Variants in SLC35F5 observed in about 807,000 individuals in gnomAD.
SLC35F5 encodes solute carrier family 35 member F5.
In SLC35F5, 54 loss-of-function variants were observed where a neutral mutation model predicts 68.6. The ratio of observed to expected loss-of-function variants is 0.79; its 90% CI spans 0.63 to 0.99. The LOEUF (loss-of-function observed/expected upper bound fraction) is 0.99. Among genes scored for constraint, SLC35F5 ranks in the 50% least tolerant of loss-of-function variants. SLC35F5 has a pLI of 0.00. For missense variants in SLC35F5, 567 were observed against 626.9 expected, an observed-to-expected ratio of 0.90 and a Z score of 1.02; for synonymous variants, 211 against 205.2, an observed-to-expected ratio of 1.03 and a Z score of -0.24.
rs1676999828 is a variant in SLC35F5 at position 113,756,505 on chromosome 2, G to A, written c.-96C>T. 6.6e-7 allele frequency: 1 copy of A among 1,514,188 alleles called. No individual in the cohort carries two copies. Among genetic ancestry groups the A allele is most frequent in the Non-Finnish European group, 8.8e-7 (1 of 1,135,234 alleles). 93.8% of individuals were successfully genotyped at this position (1,514,188 alleles called of 1,614,324 possible). A position where few individuals can be genotyped will look rare whatever the true frequency, so the allele number is the denominator to read the frequency against. ...GCGCCTGACATCGCGCCGCACTGGA[G>A]GCCCAGCTCCTGAAGACGCGGTGCC... On this transcript the variant is annotated 5_prime_UTR_variant, in exon 1 of 16. Coordinates refer to ENST00000245680, the MANE Select transcript of SLC35F5 (RefSeq NM_025181.5).
Position 113,756,206 on chromosome 2 carries a change from G to A in SLC35F5, c.40+164C>T, listed in dbSNP as rs564707488. The A allele has an allele frequency of 2.7e-6, 4 of 1,498,782 alleles. No individual in the cohort carries two copies. In the Admixed American group the frequency reaches 6.4e-5, roughly 24 times the overall value. 92.8% of individuals were successfully genotyped at this position (1,498,782 alleles called of 1,614,324 possible). On this transcript the variant is annotated intron_variant, in intron 1 of 15. Coordinates refer to ENST00000245680, the MANE Select transcript of SLC35F5 (RefSeq NM_025181.5). The stretch of plus-strand genomic sequence containing the variant: ...CTCAATTGCCAGCGGTGGGCGCAGG[G>A]CTCCGGCGCCCCTGTCAGCTCCCGC...
At chr2:113,755,793 A>T in intron 1 of SLC35F5, 1 of 1,478,722 alleles carries the variant, frequency 6.8e-7, no homozygotes, top group Non-Finnish European at 9.2e-7. Flanking sequence ...CGGCACATTT[A>T]AGAACAGTTA....
Position 113,756,472 on chromosome 2 carries a change from C to A in SLC35F5, c.-63G>T. 1 of 1,530,732 alleles carries A rather than the reference C, an allele frequency of 6.5e-7. No homozygotes were observed. The highest frequency in any genetic ancestry group is 8.8e-7 in the Non-Finnish European group (1 of 1,142,032). The allele number at this position is 1,530,732 out of a possible 1,614,324, so 94.8% of individuals were successfully genotyped here. On this transcript the variant is annotated 5_prime_UTR_variant, in exon 1 of 16. Coordinates refer to ENST00000245680, the MANE Select transcript of SLC35F5 (RefSeq NM_025181.5). ...CGGCCGCGGCCTCGGACTCACAGAGCTGTCACCGCGCCTGACATCGCGCCG... is the reference window on the plus strand; with the variant it reads ...CGGCCGCGGCCTCGGACTCACAGAGATGTCACCGCGCCTGACATCGCGCCG...
At position 113,718,927 on chromosome 2, in the gene SLC35F5, A is replaced by AAGAAAG. The variant is rs1182098254; in HGVS notation, c.1496+226_1496+227insCTTTCT. Among the ~76,000 whole-genome samples the AAGAAAG allele has an allele frequency of 2.6e-3, 114 of 44,510 alleles. 1 individual carries two copies. The highest frequency in any genetic ancestry group is 3.4e-3 in the African/African-American group (53 of 15,524). 29.2% of individuals were successfully genotyped at this position (44,510 alleles called of 152,430 possible). ...AAAGAAAGAAAGAAAGAAAGAAAGA[A>AAGAAAG]AAAGAAAGGAAGAAAGGAAGGAAGG... On this transcript the variant is annotated intron_variant, in intron 14 of 15. Coordinates refer to ENST00000245680, the MANE Select transcript of SLC35F5 (RefSeq NM_025181.5).
At chr2:113,742,920 C>A in intron 6 of SLC35F5, 41 bp from the exon 7 acceptor site, 1 of 1,560,058 alleles carries the variant, frequency 6.4e-7, no homozygotes, top group Non-Finnish European at 8.8e-7. Flanking sequence ...TAAATAATTC[C>A]TCTCCAACAA....
Position 113,742,526 on chromosome 2 carries a change from T to C in SLC35F5, c.750+166A>G, listed in dbSNP as rs894432419. The C allele has an allele frequency of 1.6e-4, 102 of 644,992 alleles. 1 individual carries two copies. The Admixed American group carries it at 2.3e-3, about 15-fold the overall frequency. 40.0% of individuals were successfully genotyped at this position (644,992 alleles called of 1,614,324 possible). A position where few individuals can be genotyped will look rare whatever the true frequency, so the allele number is the denominator to read the frequency against. ...AACTCTTTGAGGTATATCAAGCATT[T>C]ATTAATTTTGATACCCTAACTTCCT... On this transcript the variant is annotated intron_variant, in intron 7 of 15. Transcript: ENST00000245680.
rs1289680272 is a variant in SLC35F5 at position 113,755,075 on chromosome 2, G to A, written c.273+90C>T. 2.3e-6 allele frequency: 3 copies of A among 1,309,404 alleles called. No individual in the cohort carries two copies. In the African/African-American group the frequency reaches 4.5e-5, roughly 19 times the overall value. 81.1% of individuals were successfully genotyped at this position (1,309,404 alleles called of 1,614,324 possible). A position where few individuals can be genotyped will look rare whatever the true frequency, so the allele number is the denominator to read the frequency against. On this transcript the variant is annotated intron_variant, in intron 3 of 15. Transcript: ENST00000245680. ...GTATTTAAGATACTGCTTTTAGAAA[G>A]CAGGAGATTGTAACGGCTAGAGTTA...
intron 7 of SLC35F5, among the ~76,000 whole-genome samples, chr2:113,738,795 T>A (rs972535105): frequency 4.6e-5 from 7 of 152,146 alleles, no homozygotes; most frequent in African/African-American, 1.7e-4. Flanking sequence ...CAATTGAAAT[T>A]GGCTGGTCTG....
In SLC35F5 at chr2:113,706,884, T is replaced by G. The variant is rs1203689329; in HGVS notation, c.*8334A>C. 6.6e-6 allele frequency among the ~76,000 whole-genome samples: 1 copy of G among 152,180 alleles called. No homozygotes were observed. Among genetic ancestry groups the G allele is most frequent in the South Asian group, 2.1e-4 (1 of 4,826 alleles). Reference sequence around the variant, plus strand: ...GCATTAAAAATCACAAATCTTATATTTGGTTATCCACAGTCTATAAAATAA... The same window carrying G: ...GCATTAAAAATCACAAATCTTATATGTGGTTATCCACAGTCTATAAAATAA... On this transcript the variant is annotated 3_prime_UTR_variant, in exon 16 of 16. Coordinates refer to ENST00000245680, the MANE Select transcript of SLC35F5 (RefSeq NM_025181.5).
intron 3 of SLC35F5, among the ~76,000 whole-genome samples, chr2:113,752,912 TTAAAG>T (rs1243063909): frequency 2.0e-5 from 3 of 152,148 alleles, no homozygotes; most frequent in African/African-American, 4.8e-5. Context: ...CCTTTTCAGT[TTAAAG>T]TAAATAGGAA....
intron 3 of SLC35F5, among the ~76,000 whole-genome samples, chr2:113,754,305 GA>G (rs375660155): frequency 0.24 from 28,564 of 117,468 alleles, 3,289 homozygotes; most frequent in Middle Eastern, 0.52. Flanking sequence ...AAAAAAAAAA[GA>G]AAAAAAAAAA....
In SLC35F5 at chr2:113,755,498, A is replaced by C; in HGVS notation, c.87T>G (p.Phe29Leu). 1 of 1,614,148 alleles carries C rather than the reference A, an allele frequency of 6.2e-7. No individual in the cohort carries two copies. Among genetic ancestry groups the C allele is most frequent in the South Asian group, 1.1e-5 (1 of 91,062 alleles). ...SPPFRLRSAK[F>L]SGIALEDLRR... is the part of the protein sequence containing the mutation. ...TGAGATCCTCAAGAGCAATGCCGGA[A>C]AACTTGGCAGATCTCAGTCTAAAAG... Residue 29 changes from phenylalanine (F) to leucine (L), a missense_variant, in exon 2 of 16, where the codon TTT becomes TTG. Physicochemically the swap from Phe to Leu is conservative, Grantham distance 22 (BLOSUM62 0). Transcript: ENST00000245680.
At chr2:113,732,748 T>C (rs1178266399) in intron 9 of SLC35F5, among the ~76,000 whole-genome samples, 2 of 152,180 alleles carry the variant, frequency 1.3e-5, no homozygotes, top group African/African-American at 4.8e-5. Flanking sequence ...TCAGACATTG[T>C]TCCAAGCACT....
intron 4 of SLC35F5, among the ~76,000 whole-genome samples, chr2:113,749,806 C>T (rs72833665): frequency 0.018 from 2,684 of 152,096 alleles, 31 homozygotes; most frequent in Non-Finnish European, 0.029. Flanking sequence ...TATATATATT[C>T]TAACATAATA....
chr2:113,729,531 C>G (rs76898853), intron 10 of SLC35F5, 26 bp from the exon 11 acceptor site: 3 of 1,268,254 alleles, frequency 2.4e-6, no homozygotes, highest in Non-Finnish European at 3.4e-6. Flanking sequence ...TGATTTAAAG[C>G]AATCACTCAT....
intron 6 of SLC35F5, 54 bp from the exon 7 acceptor site, chr2:113,742,933 G>A: frequency 1.3e-6 from 2 of 1,523,980 alleles, no homozygotes; most frequent in Non-Finnish European, 9.0e-7. Flanking sequence ...TCCAACAAAA[G>A]TCACAAGTTT....
intron 6 of SLC35F5, among the ~76,000 whole-genome samples, chr2:113,743,444 G>A (rs575070509): frequency 2.6e-5 from 4 of 152,210 alleles, no homozygotes; most frequent in South Asian, 2.1e-4. Flanking sequence ...ATATATAAGC[G>A]TGTGATGCAT....
chr2:113,727,573 C>T (rs1031594310), intron 11 of SLC35F5, among the ~76,000 whole-genome samples: 2 of 152,188 alleles, frequency 1.3e-5, no homozygotes, highest in Non-Finnish European at 2.9e-5. Context: ...ATTCCCTCGA[C>T]TGCCCAGAAT....
chr2:113,719,258 T>C lies in SLC35F5; in HGVS notation c.1392A>G (p.Ser464=). The C allele has an allele frequency of 6.3e-7, 1 of 1,591,616 alleles. No homozygotes were observed. The highest frequency in any genetic ancestry group is 8.5e-7 in the Non-Finnish European group (1 of 1,175,196). ...GGCATAGGAGAGTTACAATAAAAAA[T>C]GAAAAAAATACAGGGATAGCTCCTG... is the stretch of plus-strand genomic sequence containing the variant. ...FFAGAIPVFF[S]FFIVTLLCHY... Residue 464 remains serine, a synonymous_variant, in exon 14 of 16, where the codon TCA becomes TCG. Transcript: ENST00000245680.
Sources: allele counts gnomAD v4.1 joint callset (sites outside exome capture counted in the v4.1 genomes callset), GRCh38; gene constraint gnomAD v4.1.1; transcripts MANE v1.5; gene names NCBI Gene and HGNC (gene_info 2026-07-23, HGNC 2026-07-21).